Variants in ZPBP observed in about 807,000 individuals in gnomAD.
ZPBP encodes zona pellucida-binding protein 1.
A neutral mutation model predicts 44.8 loss-of-function variants in ZPBP; 26 were observed. The ratio of observed to expected loss-of-function variants is 0.58; its 90% CI spans 0.43 to 0.81. The LOEUF is 0.81. ZPBP is among the 30% of genes least tolerant of loss of function. The pLI, the probability that ZPBP is intolerant of heterozygous loss-of-function variation, is 0.00. For missense variants in ZPBP, 409 were observed against 434.0 expected (o/e 0.94, Z 0.51); for synonymous variants, 174 against 153.2 (o/e 1.14, Z -1.00).
At chr7:49,967,477 G>C (rs1208979958) in intron 7 of ZPBP, among the ~76,000 whole-genome samples, 1 of 152,056 alleles carries the variant, frequency 6.6e-6, no homozygotes, top group African/African-American at 2.4e-5. Context: ...ACTTTCTCGG[G>C]TGATAATATT....
chr7:50,025,968 T>C (rs1562854093), intron 5 of ZPBP, among the ~76,000 whole-genome samples: 1 of 151,858 alleles, frequency 6.6e-6, no homozygotes, highest in Non-Finnish European at 1.5e-5. Flanking sequence ...ATCTAACTAT[T>C]GTCTGCAAGA....
At chr7:49,858,516 G>C (rs979890802) in intron 2 of ZPBP, among the ~76,000 whole-genome samples, 7 of 146,600 alleles carry the variant, frequency 4.8e-5, no homozygotes, top group Non-Finnish European at 1.0e-4. Context: ...GACAACACAC[G>C]GACACAGGAA....
intron 5 of ZPBP, among the ~76,000 whole-genome samples, chr7:50,019,415 C>T (rs1378195761): frequency 1.3e-5 from 2 of 152,046 alleles, no homozygotes; most frequent in African/African-American, 4.8e-5. Flanking sequence ...TCTTCACTTC[C>T]TTAGAACCCA....
chr7:50,005,144 AT>A (rs1451145695), intron 6 of ZPBP, among the ~76,000 whole-genome samples: 30 of 152,126 alleles, frequency 2.0e-4, no homozygotes, highest in African/African-American at 7.0e-4. Context: ...TGCTAAAAAA[AT>A]TTTAAATGCT....
chr7:50,003,253 A>T (rs1419952037), intron 6 of ZPBP, among the ~76,000 whole-genome samples: 1 of 152,184 alleles, frequency 6.6e-6, no homozygotes, highest in Non-Finnish European at 1.5e-5. Context: ...TTTTTCCCCC[A>T]TGGAAACCCT....
At chr7:50,068,645 T>C (rs1431871552) in intron 3 of ZPBP, among the ~76,000 whole-genome samples, 1 of 152,136 alleles carries the variant, frequency 6.6e-6, no homozygotes, top group Non-Finnish European at 1.5e-5. Context: ...TTAGCCTTTT[T>C]AAAGCCTCCG....
chr7:50,089,830 T>C (rs1802860737), intron 1 of ZPBP, 121 bp from the exon 2 acceptor site: 1 of 754,136 alleles, frequency 1.3e-6, no homozygotes, highest in Non-Finnish European at 2.3e-6. Context: ...CCTCTGACAG[T>C]TGATATCACT....
intron 4 of ZPBP, among the ~76,000 whole-genome samples, 164 bp downstream of exon 4, chr7:50,057,825 C>T (rs1272829847): frequency 6.6e-6 from 1 of 152,176 alleles, no homozygotes; most frequent in African/African-American, 2.4e-5. Flanking sequence ...TCTGTGCCCT[C>T]ACCACTAACC....
At chr7:50,030,073 CCAAA>C (rs1425891385) in intron 5 of ZPBP, among the ~76,000 whole-genome samples, 1 of 151,928 alleles carries the variant, frequency 6.6e-6, no homozygotes, top group African/African-American at 2.4e-5. Context: ...CAGGCTGGTC[CCAAA>C]CTCCTGACCT....
chr7:49,994,505 C>G (rs1376998237), intron 6 of ZPBP, among the ~76,000 whole-genome samples: 1 of 152,168 alleles, frequency 6.6e-6, no homozygotes, highest in South Asian at 2.1e-4. Flanking sequence ...TGTGCATGAT[C>G]AACTTTATGG....
At chr7:49,956,901 T>C (rs755410513) in intron 7 of ZPBP, among the ~76,000 whole-genome samples, 2 of 152,192 alleles carry the variant, frequency 1.3e-5, no homozygotes, top group African/African-American at 2.4e-5. Flanking sequence ...TTACTAACCA[T>C]AGTAATGAAG....
intron 7 of ZPBP, among the ~76,000 whole-genome samples, chr7:49,961,193 A>G (rs1431203100): frequency 6.6e-6 from 1 of 152,190 alleles, no homozygotes; most frequent in African/African-American, 2.4e-5. Context: ...GTAATGGCCT[A>G]AAACTGGAAA....
chr7:50,038,503 C>T (rs1799920905), intron 4 of ZPBP, among the ~76,000 whole-genome samples: 1 of 152,186 alleles, frequency 6.6e-6, no homozygotes, highest in African/African-American at 2.4e-5. Flanking sequence ...TCCTAGGGCA[C>T]TGTTGAAAGC....
chr7:49,944,343 T>TC, intron 7 of ZPBP: 1 of 222,894 alleles, frequency 4.5e-6, no homozygotes, highest in Admixed American at 5.3e-5. Context: ...GCCTGGTCCC[T>TC]CATGTTTTGA....
chr7:50,072,945 C>T (rs894499936), intron 3 of ZPBP, among the ~76,000 whole-genome samples: 1 of 152,058 alleles, frequency 6.6e-6, no homozygotes, highest in Admixed American at 6.5e-5. Flanking sequence ...AGAAGAATGG[C>T]TACAAATAAG....
rs1195346715 is a variant in ZPBP, at chr7:49,981,614, ATATTATAT to A, written c.961+1720_961+1727del. Among the ~76,000 whole-genome samples, 111 of 18,724 alleles carry A rather than the reference ATATTATAT, an allele frequency of 5.9e-3. 5 individuals carry two copies. Among genetic ancestry groups the A allele is most frequent in the Admixed American group, 9.2e-3 (13 of 1,410 alleles). The allele number at this position is 18,724 out of a possible 152,430, so 12.3% of individuals were successfully genotyped here. Reference sequence around the variant, plus strand: ...ATATAATTATATAAATTATATAATTATATTATATTATATTATATTATATATTATATAAT... The same window carrying A: ...ATATAATTATATAAATTATATAATTATATATTATATTATATATTATATAAT... On this transcript the variant is annotated intron_variant, in intron 7 of 7. Coordinates refer to ENST00000046087, the MANE Select transcript of ZPBP (RefSeq NM_007009.3).
At chr7:49,971,966 G>A (rs1328942997) in intron 7 of ZPBP, among the ~76,000 whole-genome samples, 3 of 151,916 alleles carry the variant, frequency 2.0e-5, no homozygotes, top group African/African-American at 7.2e-5. Context: ...AATACACTAC[G>A]TTAGCAGAAT....
chr7:50,009,581 C>T (rs1302666936), intron 6 of ZPBP, among the ~76,000 whole-genome samples: 1 of 151,902 alleles, frequency 6.6e-6, no homozygotes, highest in African/African-American at 2.4e-5. Flanking sequence ...CCTTTAATTT[C>T]GTATATCTCT....
At chr7:50,064,005 T>A (rs1273621374) in intron 3 of ZPBP, among the ~76,000 whole-genome samples, 1 of 152,226 alleles carries the variant, frequency 6.6e-6, no homozygotes, top group African/African-American at 2.4e-5. Context: ...CCATTCATTA[T>A]CTTTCCAGTC....
Sources: gnomAD v4.1 joint callset for allele counts (sites outside exome capture counted in the v4.1 genomes callset) on GRCh38, gnomAD v4.1.1 for gene constraint, MANE v1.5 for transcripts, NCBI Gene and HGNC (gene_info 2026-07-23, HGNC 2026-07-21) for gene names.